Variants in CELF1 observed in about 807,000 individuals in gnomAD.
CELF1 encodes the protein CUGBP Elav-like family member 1, also known as 50 kDa nuclear polyadenylated RNA-binding protein.
In CELF1, 10 loss-of-function variants were observed where a neutral mutation model predicts 61.8. The ratio of observed to expected loss-of-function variants is 0.16; its 90% confidence interval spans 0.10 to 0.27. The LOEUF is 0.27. CELF1 is among the 10% of genes least tolerant of loss of function. The pLI is 1.00. For synonymous variants in CELF1, 236 were observed against 225.1 expected, an observed-to-expected ratio of 1.05 and a Z score of -0.43; for missense variants, 380 against 639.1, an observed-to-expected ratio of 0.59 and a Z score of 4.37.
Position 47,535,766 on chromosome 11 carries a change from TTTTG to T in CELF1, c.-154+17222_-154+17225del, listed in dbSNP as rs2096614335. 9.9e-5 allele frequency among the ~76,000 whole-genome samples: 15 copies of T among 151,566 alleles called. 1 individual carries two copies. In the South Asian group the frequency reaches 3.1e-3, roughly 32 times the overall value. On this transcript the variant is annotated intron_variant, in intron 1 of 14. Coordinates refer to ENST00000687097, the MANE Select transcript of CELF1 (RefSeq NM_001376376.1). Reference sequence around the variant, plus strand: ...GTAGCATGCCCACAAGTTTTTTTGTTTTTGTTTTTTTCTTGAGATAGGGTCTTGC... The same window carrying T: ...GTAGCATGCCCACAAGTTTTTTTGTTTTTTTTTCTTGAGATAGGGTCTTGC...
chr11:47,544,976 T>TA (rs915141007), intron 1 of CELF1, among the ~76,000 whole-genome samples: 2 of 151,596 alleles, frequency 1.3e-5, no homozygotes, highest in Middle Eastern at 3.4e-3. Flanking sequence ...AAAATAAAAA[T>TA]AAAAAAATCA....
In CELF1 at chr11:47,499,437, CA is replaced by C; in HGVS notation, c.71+15del. 6.5e-7 allele frequency: 1 copy of C among 1,529,800 alleles called. No homozygotes were observed. The highest frequency in any genetic ancestry group is 8.8e-7 in the Non-Finnish European group (1 of 1,141,522). The allele number at this position is 1,529,800 out of a possible 1,614,324, so 94.8% of individuals were successfully genotyped here. ...TCCTCTGCTTATGATAAAAATTAGA[CA>C]ACAAAAATACTTACACGGGACTGGA... On this transcript the variant is annotated intron_variant, in intron 3 of 14. Coordinates refer to ENST00000687097, the MANE Select transcript of CELF1 (RefSeq NM_001376376.1).
At chr11:47,485,026 C>T (rs1055456174) in intron 6 of CELF1, among the ~76,000 whole-genome samples, 17 of 152,298 alleles carry the variant, frequency 1.1e-4, no homozygotes, top group Non-Finnish European at 2.4e-4. Context: ...TAATTAGAAG[C>T]ATTTAGATGA....
At chr11:47,549,675 A>G (rs567026986) in intron 1 of CELF1, among the ~76,000 whole-genome samples, 1 of 152,290 alleles carries the variant, frequency 6.6e-6, no homozygotes, top group East Asian at 1.9e-4. Context: ...AGGAGGGGGA[A>G]AAGGGGAGCT....
chr11:47,486,816 GATT>G lies in CELF1; in HGVS notation c.343-21_343-19del, dbSNP rs758955407. 5.1e-6 allele frequency: 8 copies of G among 1,575,352 alleles called. No homozygotes were observed. The Admixed American group carries it at 1.0e-4, about 20-fold the overall frequency. On this transcript the variant is annotated intron_variant, in intron 5 of 14. Coordinates refer to ENST00000687097, the MANE Select transcript of CELF1 (RefSeq NM_001376376.1). ...TGATGCATCTGAAAAGGAAAAATATGATTATTATCACTGTATATATTGATGGTA... is the reference window on the plus strand; with the variant it reads ...TGATGCATCTGAAAAGGAAAAATATGATTATCACTGTATATATTGATGGTA...
chr11:47,533,554 C>CG (rs1268421239), intron 1 of CELF1, among the ~76,000 whole-genome samples: 1 of 152,126 alleles, frequency 6.6e-6, no homozygotes, highest in Non-Finnish European at 1.5e-5. Flanking sequence ...CTCCGGAAGG[C>CG]GGAAGTGGCA....
intron 11 of CELF1, 55 bp from the exon 12 acceptor site, chr11:47,477,014 A>G: frequency 7.0e-7 from 1 of 1,429,716 alleles, no homozygotes; most frequent in Non-Finnish European, 9.9e-7. Flanking sequence ...CTCGCCAAAT[A>G]CAAGAAAAAG....
chr11:47,509,056 C>A (rs2094818699), intron 1 of CELF1, among the ~76,000 whole-genome samples: 2 of 152,296 alleles, frequency 1.3e-5, no homozygotes, highest in South Asian at 4.1e-4. Context: ...GGGGGTGAGC[C>A]ACCGTGCCCG....
chr11:47,483,135 G>C (rs1476003814), intron 8 of CELF1, among the ~76,000 whole-genome samples: 2 of 151,972 alleles, frequency 1.3e-5, no homozygotes, highest in African/African-American at 4.8e-5. Flanking sequence ...GTGCTGGTGT[G>C]CACCTGTAGT....
chr11:47,477,510 G>A, intron 10 of CELF1, 85 bp from the exon 11 acceptor site: 1 of 1,427,910 alleles, frequency 7.0e-7, no homozygotes, highest in African/African-American at 1.4e-5. Flanking sequence ...ACTGGCAGAG[G>A]GCTGGTCCCT....
At chr11:47,481,096 C>CT (rs2082869074) in intron 9 of CELF1, among the ~76,000 whole-genome samples, 3 of 57,614 alleles carry the variant, frequency 5.2e-5, no homozygotes, top group Non-Finnish European at 7.7e-5. Flanking sequence ...TTTTTTTTTT[C>CT]TTCTTCTTTT....
intron 6 of CELF1, among the ~76,000 whole-genome samples, chr11:47,485,975 C>T (rs1455854837): frequency 6.7e-6 from 1 of 148,544 alleles, no homozygotes; most frequent in Non-Finnish European, 1.5e-5. Context: ...TCCTGGCTAA[C>T]ACAGTGAAAC....
At chr11:47,530,508 A>T in intron 1 of CELF1, among the ~76,000 whole-genome samples, 1 of 152,220 alleles carries the variant, frequency 6.6e-6, no homozygotes, top group Non-Finnish European at 1.5e-5. Flanking sequence ...AGTTTGGTAT[A>T]TGTGGCACTG....
At chr11:47,559,326 A>G (rs1384849340) in intron 2 of CELF1, among the ~76,000 whole-genome samples, 2 of 150,802 alleles carry the variant, frequency 1.3e-5, no homozygotes, top group Non-Finnish European at 2.9e-5. Flanking sequence ...CAGGCTTCCA[A>G]AGTGCTGGGA....
Position 47,468,888 on chromosome 11 carries a change from G to GA in CELF1, c.*3341dup, listed in dbSNP as rs1350867792. Reference sequence around the variant, plus strand: ...AGGCACAACGATGAACAAACGGCAGGAATCTAGAAAAAAAAACAAACCAGA... The same window carrying GA: ...AGGCACAACGATGAACAAACGGCAGGAAATCTAGAAAAAAAAACAAACCAGA... On this transcript the variant is annotated 3_prime_UTR_variant, in exon 15 of 15. Coordinates refer to ENST00000687097, the MANE Select transcript of CELF1 (RefSeq NM_001376376.1). The GA allele has an allele frequency of 6.6e-6, 1 of 151,754 alleles. No homozygotes were observed. Among genetic ancestry groups the GA allele is most frequent in the Non-Finnish European group, 1.5e-5 (1 of 67,940 alleles). 9.4% of individuals were successfully genotyped at this position (151,754 alleles called of 1,614,324 possible).
chr11:47,525,377 C>T (rs918018841), intron 1 of CELF1, among the ~76,000 whole-genome samples: 3 of 152,154 alleles, frequency 2.0e-5, no homozygotes, highest in African/African-American at 7.2e-5. Flanking sequence ...AATTGCTGAC[C>T]AGAGTGAATT....
At chr11:47,502,925 G>A (rs1231151031) in intron 1 of CELF1, among the ~76,000 whole-genome samples, 2 of 152,170 alleles carry the variant, frequency 1.3e-5, no homozygotes, top group African/African-American at 2.4e-5. Flanking sequence ...AGGGTCTGCT[G>A]CAAAAGAAGG....
intron 2 of CELF1, among the ~76,000 whole-genome samples, chr11:47,563,646 GC>G (rs956373642): frequency 1.3e-5 from 2 of 152,102 alleles, no homozygotes; most frequent in African/African-American, 4.8e-5. Context: ...TGGAGATGGC[GC>G]CACTACACTT....
intron 1 of CELF1, among the ~76,000 whole-genome samples, chr11:47,551,931 T>C (rs540123649): frequency 5.9e-5 from 9 of 151,616 alleles, no homozygotes; most frequent in Non-Finnish European, 8.8e-5. Flanking sequence ...GGCAGGAGAA[T>C]TGCTTGAACC....
Sources: gnomAD v4.1 joint callset for allele counts (sites outside exome capture counted in the v4.1 genomes callset) on GRCh38, gnomAD v4.1.1 for gene constraint, MANE v1.5 for transcripts, NCBI Gene and HGNC (gene_info 2026-07-23, HGNC 2026-07-21) for gene names.